TENM3: variants seen among roughly 807,000 people sequenced by gnomAD.
The protein encoded by TENM3 is teneurin-3.
A neutral mutation model predicts 255.1 loss-of-function variants in TENM3; 63 were observed. That is an observed-to-expected ratio of 0.25 (90% CI 0.20 to 0.30). TENM3 has a LOEUF of 0.30. Among genes scored for constraint, TENM3 ranks in the 10% least tolerant of loss-of-function variants. TENM3 has a pLI of 1.00. For synonymous variants in TENM3, 1,306 were observed against 1,322.3 expected (o/e 0.99, Z 0.27); for missense variants, 2,929 against 3,461.1 (o/e 0.85, Z 3.86).
chr4:182,236,683 T>C (rs1330160174), intron 1 of TENM3, among the ~76,000 whole-genome samples: 1 of 152,234 alleles, frequency 6.6e-6, no homozygotes, highest in African/African-American at 2.4e-5. Flanking sequence ...CTTTTCTTGA[T>C]GAAGTAAAAC....
chr4:181,668,507 T>G, the TENM3 span, among the ~76,000 whole-genome samples: 1 of 152,152 alleles, frequency 6.6e-6, no homozygotes, highest in South Asian at 2.1e-4. Flanking sequence ...GCTACGGGTC[T>G]CTCTCCTAGC....
At chr4:182,717,389 C>G (rs1759285909) in intron 13 of TENM3, among the ~76,000 whole-genome samples, 1 of 152,190 alleles carries the variant, frequency 6.6e-6, no homozygotes, top group Non-Finnish European at 1.5e-5. Context: ...CCAATAGGTC[C>G]TTGTTTCCTT....
intron 15 of TENM3, 71 bp downstream of exon 15, chr4:182,730,390 C>G (rs1760597414): frequency 6.5e-7 from 1 of 1,550,006 alleles, no homozygotes; most frequent in Non-Finnish European, 8.8e-7. Flanking sequence ...GTACCACTGT[C>G]ATGTTTGACT....
At chr4:182,166,246 T>C (rs1051019792) in intron 1 of TENM3, among the ~76,000 whole-genome samples, 1 of 152,200 alleles carries the variant, frequency 6.6e-6, no homozygotes, top group African/African-American at 2.4e-5. Context: ...ATTTGCAGCT[T>C]TCCATAGGAA....
chr4:182,357,312 G>C (rs1026687819), intron 3 of TENM3, among the ~76,000 whole-genome samples: 8 of 151,602 alleles, frequency 5.3e-5, no homozygotes, highest in African/African-American at 1.9e-4. Context: ...CACAATGGTT[G>C]AACTAGTTTA....
chr4:182,492,494 A>G (rs930569807), intron 3 of TENM3, among the ~76,000 whole-genome samples: 1 of 152,210 alleles, frequency 6.6e-6, no homozygotes, highest in Non-Finnish European at 1.5e-5. Context: ...TAAAGGAAGT[A>G]ATATTCATGT....
intron 1 of TENM3, among the ~76,000 whole-genome samples, chr4:182,165,159 C>T (rs1214559313): frequency 2.0e-5 from 3 of 152,180 alleles, no homozygotes; most frequent in African/African-American, 7.2e-5. Flanking sequence ...AGTCCCTTCT[C>T]AGGCATCATC....
intron 3 of TENM3, among the ~76,000 whole-genome samples, chr4:182,518,013 T>C (rs2151761077): frequency 6.6e-6 from 1 of 152,270 alleles, no homozygotes; most frequent in Admixed American, 6.5e-5. Flanking sequence ...GAAGACTCCC[T>C]AGATCCTCTT....
intron 1 of TENM3, among the ~76,000 whole-genome samples, chr4:182,161,588 A>AATAT (rs202175815): frequency 2.9e-4 from 36 of 123,060 alleles, no homozygotes; most frequent in South Asian, 8.3e-4. Flanking sequence ...GCTCAGTCCA[A>AATAT]ATATATATAT....
the TENM3 span, among the ~76,000 whole-genome samples, chr4:181,787,591 C>T: frequency 3.3e-5 from 5 of 152,142 alleles, no homozygotes; most frequent in African/African-American, 1.2e-4. Flanking sequence ...CTGCCCACCT[C>T]TGCCTCCCAA....
chr4:181,655,864 G>A, the TENM3 span, among the ~76,000 whole-genome samples: 1 of 152,290 alleles, frequency 6.6e-6, no homozygotes, highest in South Asian at 2.1e-4. Flanking sequence ...AACTATTAGG[G>A]ACAGATTAGT....
chr4:181,795,393 C>T, the TENM3 span, among the ~76,000 whole-genome samples: 2 of 152,038 alleles, frequency 1.3e-5, no homozygotes, highest in African/African-American at 4.8e-5. Context: ...AGGCACTAAT[C>T]CTGTTCACAA....
At chr4:181,522,100 CAAAAAAAAAAAAAAA>C in the TENM3 span, among the ~76,000 whole-genome samples, 6 of 54,728 alleles carry the variant, frequency 1.1e-4, no homozygotes, top group African/African-American at 3.1e-4. Context: ...GACTCCGTCT[CAAAAAAAAAAAAAAA>C]AAAAAAAAAA....
chr4:182,602,565 CTT>C (rs1453235717), intron 4 of TENM3, among the ~76,000 whole-genome samples: 2 of 152,148 alleles, frequency 1.3e-5, no homozygotes, highest in African/African-American at 4.8e-5. Context: ...CTAAAGAACT[CTT>C]ATCTTTTTAT....
At chr4:182,071,529 T>A in the TENM3 span, among the ~76,000 whole-genome samples, 17 of 150,172 alleles carry the variant, frequency 1.1e-4, no homozygotes, top group Non-Finnish European at 2.1e-4. Flanking sequence ...CGCTGCAACC[T>A]CCATCTCCCG....
the TENM3 span, among the ~76,000 whole-genome samples, chr4:182,091,540 G>T: frequency 6.6e-6 from 1 of 152,164 alleles, no homozygotes; most frequent in African/African-American, 2.4e-5. Context: ...TGCGTACCTG[G>T]TGCTCAAACC....
At chr4:181,795,614 C>T in the TENM3 span, among the ~76,000 whole-genome samples, 1 of 152,174 alleles carries the variant, frequency 6.6e-6, no homozygotes, top group African/African-American at 2.4e-5. Context: ...ACTGAGCTAT[C>T]ACCAAGTGGC....
At chr4:182,161,690 A>C (rs1405035709) in intron 1 of TENM3, among the ~76,000 whole-genome samples, 1 of 103,622 alleles carries the variant, frequency 9.7e-6, no homozygotes, top group Non-Finnish European at 1.9e-5. Context: ...TATATACACA[A>C]ATATATATGT....
intron 1 of TENM3, among the ~76,000 whole-genome samples, chr4:182,209,523 A>G (rs1042966602): frequency 7.9e-5 from 12 of 152,124 alleles, no homozygotes; most frequent in African/African-American, 2.7e-4. Context: ...TGACACTGCT[A>G]GGAGCCCCCT....
Sources: gnomAD v4.1 joint callset for allele counts (sites outside exome capture counted in the v4.1 genomes callset) on GRCh38, gnomAD v4.1.1 for gene constraint, MANE v1.5 for transcripts, NCBI Gene and HGNC (gene_info 2026-07-23, HGNC 2026-07-21) for gene names.